The following EIF4E1B variants were observed in gnomAD, a reference collection of about 807,000 sequenced individuals.
The protein encoded by EIF4E1B is eukaryotic translation initiation factor 4E type 1B.
In EIF4E1B, 22 loss-of-function variants were observed where a neutral mutation model predicts 31.3. The observed-to-expected ratio is 0.70, with a 90% CI of 0.50 to 1.00. The LOEUF is 1.00. EIF4E1B is among the 50% of genes least tolerant of loss of function. The probability of loss-of-function intolerance (pLI) is 0.00; values close to 1 mark genes in which losing one functional copy is unlikely to be tolerated. For missense variants in EIF4E1B, 290 were observed against 311.6 expected (o/e 0.93, Z 0.52); for synonymous variants, 126 against 120.2 (o/e 1.05, Z -0.31).
intron 3 of EIF4E1B, 52 bp downstream of exon 3, chr5:176,642,854 C>CGCCCA (rs1760606805): frequency 1.6e-6 from 2 of 1,253,486 alleles, no homozygotes; most frequent in Non-Finnish European, 2.0e-6. Flanking sequence ...CGCCCTCTCC[C>CGCCCA]CCCCCCCCCC....
chr5:176,642,896 G>A, intron 3 of EIF4E1B, 94 bp downstream of exon 3: 1 of 1,519,584 alleles, frequency 6.6e-7, no homozygotes, highest in Non-Finnish European at 8.8e-7. Flanking sequence ...GTGCTGGTGG[G>A]TTAAAAGCTG....
chr5:176,632,778 C>T (rs1760428063), intron 1 of EIF4E1B, among the ~76,000 whole-genome samples: 1 of 152,178 alleles, frequency 6.6e-6, no homozygotes, highest in African/African-American at 2.4e-5. Context: ...TGCCCCCTTC[C>T]CATGTTTAGA....
Position 176,644,436 on chromosome 5 carries a change from C to T in EIF4E1B, c.357C>T (p.Phe119=). The change falls in exon 6 of 9, where the codon TTC becomes TTT. Residue 119 remains phenylalanine, a synonymous_variant. Coordinates refer to ENST00000318682, the MANE Select transcript of EIF4E1B (RefSeq NM_001099408.2). The part of the protein sequence containing the change: ...KLSSGCDYAL[F]KDGIQPMWED... ...CCTCTGGCTGTGACTACGCCCTCTT[C>T]AAGGTAAGCTCTGCTCTCCTCTTTC... 1.3e-6 allele frequency: 2 copies of T among 1,594,228 alleles called. No homozygotes were observed. Among genetic ancestry groups the T allele is most frequent in the Non-Finnish European group, 8.5e-7 (1 of 1,170,500 alleles).
In EIF4E1B at chr5:176,645,925, A is replaced by C. The variant is rs1426925480; in HGVS notation, c.674A>C (p.His225Pro). The change falls in exon 9 of 9, where the codon CAT becomes CCT. Residue 225 changes from histidine to proline, a missense_variant. Physicochemically the swap from His to Pro is moderately conservative, Grantham distance 77. Transcript: ENST00000318682. This position sits in a 1 kb window ranked among gnomAD's most constrained non-coding sequence, Gnocchi z 5.4. ...SPKTIIGYQA[H>P]ADTATKSNSL... ...AAGACCATCATTGGGTACCAGGCCC[A>C]TGCAGACACAGCCACCAAGAGCAAC... 3.1e-6 allele frequency: 5 copies of C among 1,610,432 alleles called. No individual in the cohort carries two copies. In the South Asian group the frequency reaches 5.5e-5, roughly 18 times the overall value.
chr5:176,646,032 A>G lies in EIF4E1B; in HGVS notation c.*52A>G. On this transcript the variant is annotated 3_prime_UTR_variant, in exon 9 of 9. Coordinates refer to ENST00000318682, the MANE Select transcript of EIF4E1B (RefSeq NM_001099408.2). ...AATGGGACAGCCGCCACTGAGCCTC[A>G]TTACTTTGGGGGATGGGGCGGGACT... The G allele has an allele frequency of 6.7e-7, 1 of 1,490,906 alleles. No individual in the cohort carries two copies. The highest frequency in any genetic ancestry group is 1.2e-5 in the South Asian group (1 of 83,316). The allele number at this position is 1,490,906 out of a possible 1,614,324, so 92.4% of individuals were successfully genotyped here.
intron 4 of EIF4E1B, 115 bp from the exon 5 acceptor site, chr5:176,643,524 A>G: frequency 9.7e-7 from 1 of 1,036,134 alleles, no homozygotes; most frequent in South Asian, 1.5e-5. Flanking sequence ...CTGTGCCCCA[A>G]ATCTCATCTC....
chr5:176,640,212 C>A (rs761624881), intron 1 of EIF4E1B, among the ~76,000 whole-genome samples: 15 of 152,234 alleles, frequency 9.9e-5, no homozygotes, highest in Non-Finnish European at 1.8e-4. Flanking sequence ...CATGGAGAGG[C>A]CACGCAGTGC....
chr5:176,641,604 G>C (rs1760579638), intron 1 of EIF4E1B: 1 of 152,206 alleles, frequency 6.6e-6, no homozygotes, highest in Admixed American at 6.5e-5. Flanking sequence ...CCTGAGCACA[G>C]GGCCCGCTTG....
At chr5:176,644,495 C>T (rs1337655323) in intron 6 of EIF4E1B, 56 bp downstream of exon 6, 10 of 1,428,420 alleles carry the variant, frequency 7.0e-6, no homozygotes, top group South Asian at 1.2e-5. Flanking sequence ...TGATCCCTCC[C>T]GGACTCCACT....
chr5:176,646,255 G>A lies in EIF4E1B; in HGVS notation c.*275G>A, dbSNP rs1217538069. ...GGGTGGGGTGAGTCATGGCGGGGAA[G>A]GAGGGCTCTATGGTAGGCGGAGAAA... is the stretch of plus-strand genomic sequence containing the variant. On this transcript the variant is annotated 3_prime_UTR_variant, in exon 9 of 9. Transcript: ENST00000318682. The A allele has an allele frequency of 1.5e-5, 6 of 399,574 alleles. No homozygotes were observed. Among genetic ancestry groups the A allele is most frequent in the Non-Finnish European group, 2.8e-5 (6 of 216,236 alleles). The allele number at this position is 399,574 out of a possible 1,614,324, so 24.8% of individuals were successfully genotyped here. A position where few individuals can be genotyped will look rare whatever the true frequency, so the allele number is the denominator to read the frequency against.
At chr5:176,635,621 C>T (rs1760480188) in intron 1 of EIF4E1B, among the ~76,000 whole-genome samples, 1 of 152,104 alleles carries the variant, frequency 6.6e-6, no homozygotes, top group Non-Finnish European at 1.5e-5. Flanking sequence ...GTGGGCAGTC[C>T]ACAGGTGGTG....
At chr5:176,640,383 C>T (rs550064521) in intron 1 of EIF4E1B, among the ~76,000 whole-genome samples, 6 of 152,234 alleles carry the variant, frequency 3.9e-5, no homozygotes, top group Non-Finnish European at 8.8e-5. Context: ...ACCCACATTG[C>T]ACGCTTGTGA....
In EIF4E1B at chr5:176,638,171, T is replaced by C. The variant is rs1354471012; in HGVS notation, c.-201-3872T>C. The stretch of plus-strand genomic sequence containing the variant: ...CTGAGATGCATAGTAGATACCCAGA[T>C]GGAGCTGTCGGGCGGGCAGTTGGAT... On this transcript the variant is annotated intron_variant, in intron 1 of 8. Transcript: ENST00000318682. This position sits in a 1 kb window ranked among gnomAD's most constrained non-coding sequence, Gnocchi z 4.3. 1.3e-5 allele frequency among the ~76,000 whole-genome samples: 2 copies of C among 152,142 alleles called. No homozygotes were observed. The highest frequency in any genetic ancestry group is 2.9e-5 in the Non-Finnish European group (2 of 68,016).
intron 4 of EIF4E1B, 98 bp from the exon 5 acceptor site, chr5:176,643,541 C>A: frequency 8.7e-7 from 1 of 1,153,170 alleles, no homozygotes; most frequent in Non-Finnish European, 1.3e-6. Flanking sequence ...TCTCCCAGTT[C>A]GCCCTTGAAG....
At chr5:176,636,037 G>A (rs760088200) in intron 1 of EIF4E1B, among the ~76,000 whole-genome samples, 8 of 152,060 alleles carry the variant, frequency 5.3e-5, no homozygotes, top group African/African-American at 7.2e-5. Flanking sequence ...GGCTGGTCTC[G>A]AACTCCTGAC....
At chr5:176,639,305 C>G (rs1225566635) in intron 1 of EIF4E1B, among the ~76,000 whole-genome samples, 1 of 152,110 alleles carries the variant, frequency 6.6e-6, no homozygotes, top group Non-Finnish European at 1.5e-5. Context: ...ATTTTAGGAA[C>G]AGGATGGTAG....
chr5:176,644,466 C>T lies in EIF4E1B; in HGVS notation c.360+27C>T, dbSNP rs374907153. 2.0e-5 allele frequency: 32 copies of T among 1,582,028 alleles called. No individual in the cohort carries two copies. The African/African-American group carries it at 4.0e-4, about 20-fold the overall frequency. On this transcript the variant is annotated intron_variant, in intron 6 of 8. Transcript: ENST00000318682. ...TAAGCTCTGCTCTCCTCTTTCCCTC[C>T]CGCAAAGGGACAAGGGGTTGATCCC...
intron 5 of EIF4E1B, 154 bp downstream of exon 5, chr5:176,643,888 C>A: frequency 1.4e-6 from 1 of 697,016 alleles, no homozygotes; most frequent in Non-Finnish European, 2.4e-6. Flanking sequence ...CACAACCACC[C>A]CCCACCCCAC....
In EIF4E1B at chr5:176,644,396, T is replaced by TG. The variant is rs1581187405; in HGVS notation, c.319dup (p.Ala107GlyfsTer9). On this transcript the variant is annotated frameshift_variant, in exon 6 of 9. Coordinates refer to ENST00000318682, the MANE Select transcript of EIF4E1B (RefSeq NM_001099408.2). LOFTEE classifies it high-confidence loss of function. Reference sequence around the variant, plus strand: ...TCCAGGCTATACAGTCACATCCAGCTGGCCAGCAAGCTCTCCTCTGGCTGT... The same window carrying TG: ...TCCAGGCTATACAGTCACATCCAGCTGGGCCAGCAAGCTCTCCTCTGGCTGT... 1.9e-6 allele frequency: 3 copies of TG among 1,595,034 alleles called. No homozygotes were observed. In the African/African-American group the frequency reaches 4.0e-5, roughly 21 times the overall value.
Sources: allele counts gnomAD v4.1 joint callset (sites outside exome capture counted in the v4.1 genomes callset), GRCh38; gene constraint gnomAD v4.1.1; non-coding constraint Gnocchi (gnomAD v3.1); transcripts MANE v1.5; gene names NCBI Gene and HGNC (gene_info 2026-07-23, HGNC 2026-07-21).